COL18A1: variants seen among roughly 807,000 people sequenced by gnomAD.
COL18A1 encodes collagen type XVIII alpha 1 chain.
COL18A1 carries 133 observed loss-of-function variants against 168.0 expected under a neutral mutation model. The ratio of observed to expected loss-of-function variants is 0.79; its 90% CI spans 0.69 to 0.91. COL18A1 has a LOEUF of 0.91. Ranked by LOEUF, COL18A1 falls within the 40% of genes least tolerant of loss-of-function variation. COL18A1 has a pLI of 0.00. For missense variants in COL18A1, 2,126 were observed against 1,925.4 expected, an observed-to-expected ratio of 1.10 and a Z score of -1.95; for synonymous variants, 949 against 809.0, an observed-to-expected ratio of 1.17 and a Z score of -2.94.
chr21:45,493,073 C>G, intron 24 of COL18A1, 90 bp from the exon 25 acceptor site: 1 of 1,318,360 alleles, frequency 7.6e-7, no homozygotes, highest in Non-Finnish European at 1.1e-6. Flanking sequence ...AGGCATATTG[C>G]GGGGGGCAGC....
Position 45,433,383 on chromosome 21 carries a change from C to T in COL18A1, c.106+27910C>T, listed in dbSNP as rs570719933. On this transcript the variant is annotated intron_variant, in intron 2 of 41. Transcript: ENST00000651438. ...GGACCAGCTCCATGAGAGTGGAGCC[C>T]GGGAGCCTCTCTGGTCGTCTTTGTG... Among the ~76,000 whole-genome samples, 64 of 152,282 alleles carry T rather than the reference C, an allele frequency of 4.2e-4. No individual in the cohort carries two copies. The South Asian group carries it at 8.3e-3, about 20-fold the overall frequency.
intron 2 of COL18A1, among the ~76,000 whole-genome samples, chr21:45,445,905 A>C (rs564851541): frequency 6.6e-6 from 1 of 152,170 alleles, no homozygotes; most frequent in East Asian, 1.9e-4. Context: ...ATGTCATTTC[A>C]CTTTCTTGAT....
intron 4 of COL18A1, among the ~76,000 whole-genome samples, chr21:45,474,545 C>T (rs117276146): frequency 0.023 from 3,448 of 149,426 alleles, 57 homozygotes; most frequent in Middle Eastern, 0.06. Context: ...CTGCATGGTG[C>T]GTGTGTCTCT....
chr21:45,476,386 C>A lies in COL18A1; in HGVS notation c.834C>A (p.Pro278=), dbSNP rs1347716189. ...AALKPRLPAP[P]PVTTPPLAGG... ...TAAAACCCAGGCTCCCCGCGCCACC[C>A]CCCGTCACCACGCCACCCTTGGCTG... The change falls in exon 6 of 42, where the codon CCC becomes CCA. Residue 278 remains proline (P), a synonymous_variant. Coordinates refer to ENST00000651438, the MANE Select transcript of COL18A1 (RefSeq NM_001379500.1). The A allele has an allele frequency of 7.4e-6, 12 of 1,614,028 alleles. No homozygotes were observed. The highest frequency in any genetic ancestry group is 9.3e-6 in the Non-Finnish European group (11 of 1,180,028).
chr21:45,487,360 CCCT>C, intron 16 of COL18A1, 84 bp from the exon 17 acceptor site: 1 of 1,492,278 alleles, frequency 6.7e-7, no homozygotes, highest in South Asian at 1.1e-5. Flanking sequence ...GCATGTCCCA[CCCT>C]CCTCTCGGGC....
Position 45,473,071 on chromosome 21 carries a change from C to CT in COL18A1, c.652-823dup, listed in dbSNP as rs2035505287. ...AGTGCGGCCAGTGGAGCCCCTGGTA[C>CT]TGTGCGCAGCCCCCACCTGGCAGCC... On this transcript the variant is annotated intron_variant, in intron 3 of 41. Coordinates refer to ENST00000651438, the MANE Select transcript of COL18A1 (RefSeq NM_001379500.1). This position sits in a 1 kb window ranked among gnomAD's most constrained non-coding sequence, Gnocchi z 4.0. 1.3e-5 allele frequency among the ~76,000 whole-genome samples: 2 copies of CT among 152,238 alleles called. No individual in the cohort carries two copies. Among genetic ancestry groups the CT allele is most frequent in the African/African-American group, 4.8e-5 (2 of 41,470 alleles).
At chr21:45,417,853 C>T (rs553997544) in intron 2 of COL18A1, among the ~76,000 whole-genome samples, 2 of 152,286 alleles carry the variant, frequency 1.3e-5, no homozygotes, top group African/African-American at 2.4e-5. Flanking sequence ...AGAATTGCAC[C>T]GTAGGGAAGA....
At chr21:45,482,591 G>T (rs1447905276) in intron 14 of COL18A1, among the ~76,000 whole-genome samples, 1 of 152,288 alleles carries the variant, frequency 6.6e-6, no homozygotes, top group South Asian at 2.1e-4. Flanking sequence ...CAGGCTTGGC[G>T]TCCCTTGTGG....
intron 2 of COL18A1, among the ~76,000 whole-genome samples, chr21:45,450,729 G>T (rs1441630374): frequency 1.3e-5 from 2 of 152,144 alleles, no homozygotes; most frequent in Non-Finnish European, 2.9e-5. Context: ...CTGTGTTCAT[G>T]GTGGGTGGTC....
At chr21:45,493,672 C>G (rs2036437085) in intron 26 of COL18A1, 97 bp downstream of exon 26, 1 of 889,548 alleles carries the variant, frequency 1.1e-6, no homozygotes, top group African/African-American at 1.7e-5. Context: ...GCTCCTGATG[C>G]ACGAGCCTCT....
rs570985179 is a variant in COL18A1, at chr21:45,467,466, A to C, written c.107-776A>C. 123 of 981,184 alleles carry C rather than the reference A, an allele frequency of 1.3e-4. 1 individual carries two copies. Among genetic ancestry groups the C allele is most frequent in the Admixed American group, 9.8e-4 (16 of 16,268 alleles). 60.8% of individuals were successfully genotyped at this position (981,184 alleles called of 1,614,324 possible). On this transcript the variant is annotated intron_variant, in intron 2 of 41. Coordinates refer to ENST00000651438, the MANE Select transcript of COL18A1 (RefSeq NM_001379500.1). ...CCTCCAAGGGGTGATTGTGGCCCCG[A>C]GGGGAATCAGCATGGGGGGGATGGG...
chr21:45,508,779 A>G (rs2037402628), intron 38 of COL18A1, among the ~76,000 whole-genome samples: 2 of 152,130 alleles, frequency 1.3e-5, no homozygotes, highest in Non-Finnish European at 2.9e-5. Flanking sequence ...CCGGGTGGCC[A>G]TGGATATTGC....
intron 3 of COL18A1, among the ~76,000 whole-genome samples, chr21:45,469,571 G>A (rs60049323): frequency 0.03 from 4,500 of 152,282 alleles, 240 homozygotes; most frequent in African/African-American, 0.1. Context: ...GGGTTGGGGG[G>A]GTGGACAGAT....
chr21:45,501,992 C>G (rs2036885259), intron 32 of COL18A1, among the ~76,000 whole-genome samples: 1 of 65,218 alleles, frequency 1.5e-5, no homozygotes, highest in African/African-American at 7.6e-5. Flanking sequence ...GAAGGACCCT[C>G]AGGGGCTCCA....
At chr21:45,490,689 G>C (rs559979147) in intron 20 of COL18A1, 147 bp from the exon 21 acceptor site, 1 of 836,744 alleles carries the variant, frequency 1.2e-6, no homozygotes, top group Non-Finnish European at 2.0e-6. Flanking sequence ...ATAAGTCTCC[G>C]TCAGGGCTCT....
At position 45,463,159 on chromosome 21, in the gene COL18A1, C is replaced by G. The variant is rs4819118; in HGVS notation, c.107-5083C>G. Among the ~76,000 whole-genome samples, 33,225 of 152,182 alleles carry G rather than the reference C, an allele frequency of 0.22. 5,011 individuals carry two copies. The highest frequency in any genetic ancestry group is 0.43 in the African/African-American group (17,640 of 41,470). On this transcript the variant is annotated intron_variant, in intron 2 of 41. Coordinates refer to ENST00000651438, the MANE Select transcript of COL18A1 (RefSeq NM_001379500.1). The surrounding 1 kb of genome is among the most constrained non-coding windows in gnomAD (Gnocchi z 4.0). The stretch of plus-strand genomic sequence containing the variant: ...TTCAAGTCACTTCAGCTGGAAGGGG[C>G]AGCTTGCAACAACAGAGGGAGTGTA...
chr21:45,445,145 C>T (rs1466836053), intron 2 of COL18A1, among the ~76,000 whole-genome samples: 1 of 152,224 alleles, frequency 6.6e-6, no homozygotes, highest in African/African-American at 2.4e-5. Context: ...GTCCTGGCCA[C>T]CGGTCATCTC....
intron 2 of COL18A1, among the ~76,000 whole-genome samples, chr21:45,418,836 C>T (rs934362955): frequency 4.6e-5 from 7 of 152,160 alleles, no homozygotes; most frequent in Non-Finnish European, 8.8e-5. Flanking sequence ...TGCGGCCCTG[C>T]GAGGCGTGAT....
intron 2 of COL18A1, among the ~76,000 whole-genome samples, chr21:45,460,546 A>G (rs950312019): frequency 8.5e-5 from 13 of 152,200 alleles, no homozygotes; most frequent in Non-Finnish European, 1.8e-4. Context: ...CTGCTCCTTC[A>G]TCGCTCCTCC....
Sources: allele counts gnomAD v4.1 joint callset (sites outside exome capture counted in the v4.1 genomes callset), GRCh38; gene constraint gnomAD v4.1.1; non-coding constraint Gnocchi (gnomAD v3.1); transcripts MANE v1.5; gene names NCBI Gene and HGNC (gene_info 2026-07-23, HGNC 2026-07-21).